The following PLPP4 variants were observed in gnomAD, a reference collection of about 807,000 sequenced individuals.
PLPP4 encodes phospholipid phosphatase 4.
PLPP4 carries 20 observed loss-of-function variants against 32.2 expected under a neutral mutation model. That is an observed-to-expected ratio of 0.62 (90% CI 0.44 to 0.90). The LOEUF (loss-of-function observed/expected upper bound fraction) is 0.90, where lower values mean the gene tolerates loss of function less well. Ranked by LOEUF, PLPP4 falls within the 40% of genes least tolerant of loss-of-function variation. The pLI is 0.00. For synonymous variants in PLPP4, 127 were observed against 133.0 expected (o/e 0.95, Z 0.31); for missense variants, 257 against 353.1 (o/e 0.73, Z 2.18).
At chr10:120,530,844 A>G (rs1846673302) in intron 5 of PLPP4, among the ~76,000 whole-genome samples, 1 of 152,078 alleles carries the variant, frequency 6.6e-6, no homozygotes, top group African/African-American at 2.4e-5. Flanking sequence ...AATTTTAGTC[A>G]TTTTGGTGGG....
In PLPP4 at chr10:120,483,555, A is replaced by T. The variant is rs562279780; in HGVS notation, c.57-20263A>T. Among the ~76,000 whole-genome samples, 4 of 152,258 alleles carry T rather than the reference A, an allele frequency of 2.6e-5. No homozygotes were observed. In the East Asian group the frequency reaches 7.7e-4, roughly 29 times the overall value. ...CCATGGGCCTTGAATCCCTGCAGTG[A>T]TGGGGCCCTGGAATAGAAGATTCTG... On this transcript the variant is annotated intron_variant, in intron 1 of 6. Transcript: ENST00000398250.
intron 6 of PLPP4, among the ~76,000 whole-genome samples, chr10:120,587,927 C>T (rs1188450619): frequency 1.3e-5 from 2 of 152,230 alleles, no homozygotes; most frequent in Non-Finnish European, 2.9e-5. Flanking sequence ...TGGACATACC[C>T]TTCAGCCCGT....
chr10:120,528,377 A>C (rs1846529824), intron 5 of PLPP4, among the ~76,000 whole-genome samples: 1 of 151,766 alleles, frequency 6.6e-6, no homozygotes, highest in African/African-American at 2.4e-5. Context: ...CCCGGCCGCC[A>C]CTCTCCTTTC....
intron 1 of PLPP4, among the ~76,000 whole-genome samples, chr10:120,489,017 G>A (rs575578325): frequency 6.6e-6 from 1 of 152,280 alleles, no homozygotes; most frequent in African/African-American, 2.4e-5. Context: ...GAAGCACTCA[G>A]TAAATTGATC....
At chr10:120,486,241 C>G (rs561941276) in intron 1 of PLPP4, among the ~76,000 whole-genome samples, 1 of 144,250 alleles carries the variant, frequency 6.9e-6, no homozygotes, top group African/African-American at 2.6e-5. Flanking sequence ...CTGTGAGAGG[C>G]TTTCCTCCCA....
chr10:120,537,712 G>A (rs941984529), intron 5 of PLPP4, among the ~76,000 whole-genome samples: 1 of 152,176 alleles, frequency 6.6e-6, no homozygotes, highest in Non-Finnish European at 1.5e-5. Flanking sequence ...AGGTAACTAT[G>A]TGAGGTGATG....
chr10:120,504,307 G>A lies in PLPP4; in HGVS notation c.165+381G>A, dbSNP rs561970624. 3.0e-4 allele frequency among the ~76,000 whole-genome samples: 46 copies of A among 152,276 alleles called. 2 individuals are homozygous for A. The South Asian group carries it at 3.1e-3, about 10-fold the overall frequency. On this transcript the variant is annotated intron_variant, in intron 2 of 6. Transcript: ENST00000398250. ...CAGCTTGTCCCTGCTACTGTGTCCC[G>A]TCTCCATTGGCTGGAGCCAGACCTC...
intron 2 of PLPP4, among the ~76,000 whole-genome samples, chr10:120,509,660 T>C (rs1176482444): frequency 1.3e-5 from 2 of 152,166 alleles, no homozygotes; most frequent in African/African-American, 2.4e-5. Context: ...GCTGTGTGCA[T>C]TTGTGTGTTC....
chr10:120,537,207 T>G (rs1220298658), intron 5 of PLPP4, among the ~76,000 whole-genome samples: 1 of 152,160 alleles, frequency 6.6e-6, no homozygotes, highest in Non-Finnish European at 1.5e-5. Flanking sequence ...CCAAAGGAAA[T>G]GAAATCAGTA....
At chr10:120,493,656 C>A (rs1844820747) in intron 1 of PLPP4, among the ~76,000 whole-genome samples, 1 of 152,034 alleles carries the variant, frequency 6.6e-6, no homozygotes, top group African/African-American at 2.4e-5. Context: ...CTCACCAATC[C>A]CCCCCCATCC....
At chr10:120,464,271 G>A (rs930246197) in intron 1 of PLPP4, among the ~76,000 whole-genome samples, 1 of 152,176 alleles carries the variant, frequency 6.6e-6, no homozygotes, top group Non-Finnish European at 1.5e-5. Context: ...ACCATATTAA[G>A]CATATTTTGT....
At chr10:120,579,930 A>G (rs1018742155) in intron 6 of PLPP4, among the ~76,000 whole-genome samples, 6 of 146,570 alleles carry the variant, frequency 4.1e-5, no homozygotes, top group Non-Finnish European at 6.0e-5. Context: ...ACATGGTGAA[A>G]CCCCGTCTCT....
intron 2 of PLPP4, among the ~76,000 whole-genome samples, chr10:120,509,194 C>G (rs1845625414): frequency 6.6e-6 from 1 of 152,206 alleles, no homozygotes; most frequent in African/African-American, 2.4e-5. Flanking sequence ...CATTCCATAA[C>G]TATTAGTGAA....
intron 1 of PLPP4, among the ~76,000 whole-genome samples, chr10:120,497,063 G>T (rs183840071): frequency 1.3e-5 from 2 of 152,190 alleles, no homozygotes; most frequent in East Asian, 3.9e-4. Context: ...TGCCAAGGCG[G>T]TTAAAGGCCT....
At chr10:120,489,540 G>A (rs1298822721) in intron 1 of PLPP4, among the ~76,000 whole-genome samples, 1 of 152,198 alleles carries the variant, frequency 6.6e-6, no homozygotes, top group Non-Finnish European at 1.5e-5. Flanking sequence ...ACACATGGGT[G>A]TGGCGGTCTG....
Position 120,575,718 on chromosome 10 carries a change from C to T in PLPP4, c.616+417C>T, listed in dbSNP as rs114809552. On this transcript the variant is annotated intron_variant, in intron 6 of 6. Transcript: ENST00000398250. ...GTATTTGTCACCATGGATGCTCTTC[C>T]GAAAGGTATATCTAGCCAGGGATTC... 1.7e-3 allele frequency among the ~76,000 whole-genome samples: 262 copies of T among 152,190 alleles called. 2 individuals are homozygous for T. The highest frequency in any genetic ancestry group is 5.5e-3 in the African/African-American group (229 of 41,512).
At chr10:120,571,091 GGCGTGTGTGTGTGTGTGTGTGT>G (rs1339843775) in intron 5 of PLPP4, among the ~76,000 whole-genome samples, 1 of 74,126 alleles carries the variant, frequency 1.3e-5, no homozygotes, top group Non-Finnish European at 2.7e-5. Flanking sequence ...GTAGTAAAGG[GGCGTGTGTGTGTGTGTGTGTGT>G]GTGTGTGTGT....
At chr10:120,537,020 A>T (rs565947558) in intron 5 of PLPP4, among the ~76,000 whole-genome samples, 1 of 152,338 alleles carries the variant, frequency 6.6e-6, no homozygotes, top group East Asian at 1.9e-4. Context: ...GATGGCTATT[A>T]TCAAATAGAC....
At chr10:120,542,651 TG>T (rs1381203762) in intron 5 of PLPP4, among the ~76,000 whole-genome samples, 2 of 152,356 alleles carry the variant, frequency 1.3e-5, no homozygotes, top group African/African-American at 4.8e-5. Context: ...AGCAAAAAAG[TG>T]ACTTTGTAAA....
Sources: allele counts gnomAD v4.1 joint callset (sites outside exome capture counted in the v4.1 genomes callset), GRCh38; gene constraint gnomAD v4.1.1; transcripts MANE v1.5; gene names NCBI Gene and HGNC (gene_info 2026-07-23, HGNC 2026-07-21).